The following UNC79 variants were observed in gnomAD, a reference collection of about 807,000 sequenced individuals.
UNC79 encodes unc-79 subunit of NALCN channel complex.
Under a neutral mutation model 283.1 loss-of-function variants are expected in UNC79, and 37 were observed. The observed-to-expected ratio is 0.13, with a 90% CI of 0.10 to 0.17. The LOEUF is 0.17. UNC79 is among the 10% of genes least tolerant of loss of function. The pLI is 1.00. For missense variants in UNC79, 2,272 were observed against 3,211.1 expected (o/e 0.71, Z 7.07); for synonymous variants, 1,107 against 1,200.2 (o/e 0.92, Z 1.61).
intron 1 of UNC79, among the ~76,000 whole-genome samples, chr14:93,461,656 A>C (rs913244351): frequency 2.0e-5 from 3 of 152,218 alleles, no homozygotes; most frequent in African/African-American, 7.2e-5. Flanking sequence ...CTTAATAGGC[A>C]CCGAGGGTAT....
chr14:93,625,973 G>A (rs1007177722), intron 30 of UNC79, among the ~76,000 whole-genome samples: 3 of 152,062 alleles, frequency 2.0e-5, no homozygotes, highest in Non-Finnish European at 4.4e-5. Flanking sequence ...CAGCACATGG[G>A]CCAAATCTGT....
chr14:93,419,007 C>T (rs1470092972), intron 1 of UNC79, among the ~76,000 whole-genome samples: 3 of 151,776 alleles, frequency 2.0e-5, no homozygotes, highest in Non-Finnish European at 2.9e-5. Context: ...TGTTTCGGCT[C>T]ATGCACGGTG....
exon 38 of UNC79, chr14:93,655,241 A>G: frequency 6.2e-7 from 1 of 1,614,038 alleles, no homozygotes; most frequent in Middle Eastern, 1.6e-4. Flanking sequence ...TAGGGTCTAA[A>G]TAACAAAAAG....
chr14:93,369,133 AACCC>A (rs2054394037), intron 1 of UNC79, among the ~76,000 whole-genome samples: 1 of 152,356 alleles, frequency 6.6e-6, no homozygotes, highest in East Asian at 1.9e-4. Flanking sequence ...AACATACATT[AACCC>A]AAAGGGTGTT....
intron 4 of UNC79, among the ~76,000 whole-genome samples, chr14:93,479,930 C>T (rs1213453729): frequency 1.4e-4 from 21 of 152,176 alleles, no homozygotes; most frequent in Non-Finnish European, 1.5e-5. Context: ...AATGAGGAGG[C>T]TGTAGCTTTC....
intron 26 of UNC79, among the ~76,000 whole-genome samples, chr14:93,609,669 C>T (rs1373939219): frequency 6.6e-6 from 1 of 152,098 alleles, no homozygotes; most frequent in African/African-American, 2.4e-5. Flanking sequence ...TGCTTGTAGG[C>T]ATTTAGTTTT....
chr14:93,476,981 G>A (rs2057838901), intron 3 of UNC79, among the ~76,000 whole-genome samples: 1 of 152,148 alleles, frequency 6.6e-6, no homozygotes, highest in Non-Finnish European at 1.5e-5. Flanking sequence ...TATGATCCCT[G>A]TTTAAAGATG....
intron 1 of UNC79, among the ~76,000 whole-genome samples, chr14:93,436,478 C>A (rs1292235057): frequency 1.3e-5 from 2 of 151,792 alleles, no homozygotes; most frequent in Non-Finnish European, 1.5e-5. Flanking sequence ...TAGCACACAG[C>A]CAACTGTTTT....
chr14:93,403,107 C>G (rs1015315533), intron 1 of UNC79, among the ~76,000 whole-genome samples: 2 of 152,154 alleles, frequency 1.3e-5, no homozygotes, highest in African/African-American at 4.8e-5. Context: ...TTTGGTCAGC[C>G]TTTCACTGAG....
chr14:93,535,116 A>G (rs61992642), intron 11 of UNC79, among the ~76,000 whole-genome samples: 10,021 of 152,252 alleles, frequency 0.066, 627 homozygotes, highest in East Asian at 0.34. Flanking sequence ...AGTTATTTCT[A>G]TGTGTTTAAA....
At chr14:93,423,602 A>C (rs1161061622) in intron 1 of UNC79, among the ~76,000 whole-genome samples, 2 of 152,224 alleles carry the variant, frequency 1.3e-5, no homozygotes, top group East Asian at 3.8e-4. Context: ...TACCAAGAAC[A>C]TATATTCGGG....
intron 14 of UNC79, among the ~76,000 whole-genome samples, chr14:93,557,912 GT>G (rs1423608431): frequency 6.6e-6 from 1 of 152,174 alleles, no homozygotes; most frequent in East Asian, 1.9e-4. Context: ...ACATTATCAT[GT>G]GTCCTTTCAG....
intron 47 of UNC79, among the ~76,000 whole-genome samples, chr14:93,698,473 T>C (rs2075302102): frequency 7.5e-6 from 1 of 134,212 alleles, no homozygotes; most frequent in Non-Finnish European, 1.6e-5. Context: ...TAGTTTAGTT[T>C]AGGTTTTTTT....
chr14:93,566,775 C>T (rs1288836820), intron 14 of UNC79, among the ~76,000 whole-genome samples: 7 of 151,482 alleles, frequency 4.6e-5, no homozygotes, highest in Non-Finnish European at 1.0e-4. Flanking sequence ...GTAGCTGCGA[C>T]TACAGGCACA....
rs1233059391 is a variant in UNC79, at chr14:93,474,426, C to T, written c.448+33C>T. The T allele has an allele frequency of 6.6e-6, 10 of 1,519,140 alleles. No individual in the cohort carries two copies. Among genetic ancestry groups the T allele is most frequent in the East Asian group, 2.5e-5 (1 of 40,666 alleles). 94.1% of individuals were successfully genotyped at this position (1,519,140 alleles called of 1,614,324 possible). A position where few individuals can be genotyped will look rare whatever the true frequency, so the allele number is the denominator to read the frequency against. ...CTTAGCTGAAACCTTTGGAAATGTACGTGGATGCTTATGAATGTATATGAT... is the reference window on the plus strand; with the variant it reads ...CTTAGCTGAAACCTTTGGAAATGTATGTGGATGCTTATGAATGTATATGAT... On this transcript the variant is annotated intron_variant, in intron 3 of 48. Transcript: ENST00000555664. This position sits in a 1 kb window ranked among gnomAD's most constrained non-coding sequence, Gnocchi z 4.1.
Position 93,586,913 on chromosome 14 carries a change from G to C in UNC79, c.3032+5G>C. 2 of 1,612,802 alleles carry C rather than the reference G, an allele frequency of 1.2e-6. No individual in the cohort carries two copies. Among genetic ancestry groups the C allele is most frequent in the South Asian group, 1.1e-5 (1 of 90,614 alleles). Reference sequence around the variant, plus strand: ...GGACCACATGTTGATTGCAAGGTACGTCTTCCTAATGGTTTGTTTTGATTG... The same window carrying C: ...GGACCACATGTTGATTGCAAGGTACCTCTTCCTAATGGTTTGTTTTGATTG... On this transcript the variant is annotated splice_donor_5th_base_variant and intron_variant, in intron 22 of 48. Transcript: ENST00000555664.
chr14:93,696,182 T>C (rs779774629), intron 47 of UNC79, among the ~76,000 whole-genome samples: 1 of 152,196 alleles, frequency 6.6e-6, no homozygotes, highest in Non-Finnish European at 1.5e-5. Flanking sequence ...ATTGTATGAA[T>C]ATACCACATT....
intron 45 of UNC79, chr14:93,691,459 G>A (rs972046042): frequency 1.7e-5 from 9 of 526,154 alleles, no homozygotes; most frequent in Non-Finnish European, 3.1e-5. Flanking sequence ...TTAGGGATGG[G>A]AATGTCAGTT....
At chr14:93,480,190 G>A (rs1365177558) in intron 4 of UNC79, among the ~76,000 whole-genome samples, 1 of 152,204 alleles carries the variant, frequency 6.6e-6, no homozygotes, top group Admixed American at 6.5e-5. Context: ...CAACTGAGGA[G>A]AATAAAACAG....
Sources: gnomAD v4.1 joint callset for allele counts (sites outside exome capture counted in the v4.1 genomes callset) on GRCh38, gnomAD v4.1.1 for gene constraint, Gnocchi (gnomAD v3.1) non-coding constraint, MANE v1.5 for transcripts, NCBI Gene and HGNC (gene_info 2026-07-23, HGNC 2026-07-21) for gene names.